The following KANSL1L variants were observed in gnomAD, a reference collection of about 807,000 sequenced individuals.
KANSL1L encodes KAT8 regulatory NSL complex subunit 1 like, also known as KAT8 regulatory NSL complex subunit 1-like protein.
KANSL1L carries 25 observed loss-of-function variants against 108.6 expected under a neutral mutation model. The observed-to-expected ratio is 0.23, with a 90% confidence interval of 0.17 to 0.32. The LOEUF is 0.32. Ranked by LOEUF, KANSL1L falls within the 10% of genes least tolerant of loss-of-function variation. The pLI, the probability that KANSL1L is intolerant of heterozygous loss-of-function variation, is 1.00. For missense variants in KANSL1L, 1,137 were observed against 1,125.7 expected, an observed-to-expected ratio of 1.01 and a Z score of -0.14; for synonymous variants, 405 against 395.1, an observed-to-expected ratio of 1.03 and a Z score of -0.30.
intron 8 of KANSL1L, chr2:210,032,507 A>G (rs968754960): frequency 2.7e-4 from 41 of 152,366 alleles, no homozygotes; most frequent in East Asian, 2.3e-3. Context: ...CTCTAGACCC[A>G]CAAGAAAGGA....
intron 14 of KANSL1L, 78 bp from the exon 15 acceptor site, chr2:210,023,257 G>T: frequency 1.1e-6 from 1 of 937,728 alleles, no homozygotes; most frequent in Non-Finnish European, 1.7e-6. Context: ...ATCTGTACAT[G>T]TCTATATTGT....
intron 1 of KANSL1L, among the ~76,000 whole-genome samples, chr2:210,168,629 T>C (rs955660580): frequency 2.0e-5 from 3 of 152,072 alleles, no homozygotes; most frequent in Non-Finnish European, 2.9e-5. Flanking sequence ...TCATGATAAA[T>C]GGCATCAAAA....
chr2:210,062,354 T>C (rs1318708191), intron 6 of KANSL1L, among the ~76,000 whole-genome samples: 1 of 152,172 alleles, frequency 6.6e-6, no homozygotes, highest in East Asian at 1.9e-4. Context: ...TTCCTCCCAG[T>C]CTCGGGTATG....
intron 2 of KANSL1L, among the ~76,000 whole-genome samples, chr2:210,150,511 G>A (rs146428392): frequency 1.3e-3 from 193 of 152,166 alleles, no homozygotes; most frequent in South Asian, 0.012. Context: ...GGCTGGGTGC[G>A]GTGGCTCATG....
intron 8 of KANSL1L, among the ~76,000 whole-genome samples, chr2:210,033,267 C>T (rs1307047236): frequency 6.6e-6 from 1 of 152,230 alleles, no homozygotes; most frequent in African/African-American, 2.4e-5. Flanking sequence ...GATGATAATA[C>T]CCTGAAAGTT....
At chr2:210,025,871 T>G (rs918256301) in intron 12 of KANSL1L, among the ~76,000 whole-genome samples, 2 of 152,212 alleles carry the variant, frequency 1.3e-5, no homozygotes, top group African/African-American at 4.8e-5. Flanking sequence ...GGTTCATATT[T>G]GAAGACTTCG....
In KANSL1L at chr2:210,022,965, A is replaced by C; in HGVS notation, c.2948T>G (p.Val983Gly). Reference sequence around the variant, plus strand: ...TGTTCCCTGTCACCTATTTTTTTTAACATTAGTAAGTCCTAGACCAAAGGT... The same window carrying C: ...TGTTCCCTGTCACCTATTTTTTTTACCATTAGTAAGTCCTAGACCAAAGGT... The part of the protein sequence containing the change: ...YKTFGLGLTN[V>G]KKNR The change falls in exon 15 of 15, where the codon GTT becomes GGT. Residue 983 changes from valine (V) to glycine (G), a missense_variant. By Grantham distance (109) the Val-to-Gly change is moderately radical (BLOSUM62 -3). Around this residue, in one of 3 missense-constraint regions of KANSL1L, gnomAD observed 575 missense variants for 567.1 expected, o/e 1.01. Transcript: ENST00000281772. 1 of 1,611,778 alleles carries C rather than the reference A, an allele frequency of 6.2e-7. No homozygotes were observed. The highest frequency in any genetic ancestry group is 1.1e-5 in the South Asian group (1 of 90,940).
At chr2:210,169,216 A>AG (rs1330107830) in intron 1 of KANSL1L, among the ~76,000 whole-genome samples, 3 of 152,112 alleles carry the variant, frequency 2.0e-5, no homozygotes, top group African/African-American at 2.4e-5. Flanking sequence ...TACAAATCTA[A>AG]GGGGGGGAAA....
chr2:210,048,211 T>C (rs1027960508), intron 6 of KANSL1L, among the ~76,000 whole-genome samples: 1 of 152,188 alleles, frequency 6.6e-6, no homozygotes, highest in Non-Finnish European at 1.5e-5. Flanking sequence ...ATAACTATCA[T>C]TACTGGCATT....
At chr2:210,073,774 AACACACACAC>A (rs372708042) in intron 6 of KANSL1L, among the ~76,000 whole-genome samples, 432 of 142,008 alleles carry the variant, frequency 3.0e-3, no homozygotes, top group African/African-American at 8.6e-3. Flanking sequence ...GAAACACACA[AACACACACAC>A]ACACACACAC....
chr2:210,104,105 TG>T lies in KANSL1L; in HGVS notation c.1426del (p.Gln476ArgfsTer5). The T allele has an allele frequency of 1.2e-6, 2 of 1,611,064 alleles. No homozygotes were observed. Among genetic ancestry groups the T allele is most frequent in the Non-Finnish European group, 1.7e-6 (2 of 1,177,286 alleles). On this transcript the variant is annotated frameshift_variant and splice_region_variant, in exon 4 of 15. Coordinates refer to ENST00000281772, the MANE Select transcript of KANSL1L (RefSeq NM_152519.4). LOFTEE classifies it high-confidence loss of function. ...CTGATATCCTTACTTTGACTTTACC[TG>T]TTTTTCGATGTTTCGAAGAAGTAAA... Reference protein sequence around the residue: ...PTLLLRNIEKQSAQLTEIINS... With the variant: ...PTLLLRNIEKXSAQLTEIINS...
chr2:210,031,923 CTG>C (rs769640908), intron 8 of KANSL1L, among the ~76,000 whole-genome samples: 41 of 152,314 alleles, frequency 2.7e-4, no homozygotes, highest in Non-Finnish European at 5.1e-4. Context: ...TCAGACTAGA[CTG>C]TGCGAGCAAG....
chr2:210,059,761 C>A (rs1445748977), intron 6 of KANSL1L, among the ~76,000 whole-genome samples: 1 of 151,988 alleles, frequency 6.6e-6, no homozygotes, highest in Non-Finnish European at 1.5e-5. Context: ...CATAAAAATA[C>A]TACTTAAGTA....
intron 2 of KANSL1L, among the ~76,000 whole-genome samples, chr2:210,139,329 T>C (rs1277788519): frequency 1.3e-5 from 2 of 152,180 alleles, no homozygotes; most frequent in South Asian, 2.1e-4. Flanking sequence ...AATGGTCAGT[T>C]TGATTGCATA....
chr2:210,109,060 T>C (rs552744094), intron 3 of KANSL1L, among the ~76,000 whole-genome samples: 1 of 152,304 alleles, frequency 6.6e-6, no homozygotes, highest in East Asian at 1.9e-4. Context: ...AAAAAATTAC[T>C]GTTCATCCCC....
At chr2:210,164,293 T>C (rs2095375830) in intron 1 of KANSL1L, among the ~76,000 whole-genome samples, 1 of 152,184 alleles carries the variant, frequency 6.6e-6, no homozygotes. Flanking sequence ...TTGTTTAATA[T>C]TTTTAGGCAC....
rs557280532 is a variant in KANSL1L, at chr2:210,057,556, C to T, written c.1756-13452G>A. 2.6e-4 allele frequency among the ~76,000 whole-genome samples: 40 copies of T among 152,120 alleles called. No homozygotes were observed. The East Asian group carries it at 7.6e-3, about 29-fold the overall frequency. On this transcript the variant is annotated intron_variant, in intron 6 of 14. Coordinates refer to ENST00000281772, the MANE Select transcript of KANSL1L (RefSeq NM_152519.4). Reference sequence around the variant, plus strand: ...CTCTACTAAAAATACAAAAAATTAGCCGGGCGTGGTGGCAGGCACATGTAG... The same window carrying T: ...CTCTACTAAAAATACAAAAAATTAGTCGGGCGTGGTGGCAGGCACATGTAG...
intron 5 of KANSL1L, among the ~76,000 whole-genome samples, chr2:210,079,636 A>ATGTG (rs1325352986): frequency 1.9e-4 from 1 of 5,366 alleles, no homozygotes; most frequent in African/African-American, 4.2e-4. Flanking sequence ...ATATATATAT[A>ATGTG]TATATATATA....
At chr2:210,034,184 T>C (rs1260691700) in intron 8 of KANSL1L, among the ~76,000 whole-genome samples, 1 of 152,234 alleles carries the variant, frequency 6.6e-6, no homozygotes, top group Non-Finnish European at 1.5e-5. Flanking sequence ...CTAGGATTTG[T>C]AGCAGCCCTT....
Sources: allele counts gnomAD v4.1 joint callset (sites outside exome capture counted in the v4.1 genomes callset), GRCh38; gene constraint gnomAD v4.1.1; regional missense constraint gnomAD v4.1.1; transcripts MANE v1.5; gene names NCBI Gene and HGNC (gene_info 2026-07-23, HGNC 2026-07-21).